Variants in ATP6V0A4 observed in about 807,000 individuals in gnomAD.
The protein encoded by ATP6V0A4 is ATPase H+ transporting V0 subunit a4, also known as V-type proton ATPase 116 kDa subunit a 4.
ATP6V0A4 carries 86 observed loss-of-function variants against 107.3 expected under a neutral mutation model. That is an observed-to-expected ratio of 0.80 (90% CI 0.67 to 0.96). The LOEUF (loss-of-function observed/expected upper bound fraction) is 0.96, where lower values mean the gene tolerates loss of function less well. Among genes scored for constraint, ATP6V0A4 ranks in the 40% least tolerant of loss-of-function variants. The probability of loss-of-function intolerance (pLI) is 0.00; values close to 1 mark genes in which losing one functional copy is unlikely to be tolerated. For synonymous variants in ATP6V0A4, 353 were observed against 381.4 expected (o/e 0.93, Z 0.87); for missense variants, 908 against 1,045.6 (o/e 0.87, Z 1.81).
intron 9 of ATP6V0A4, chr7:138,756,021 A>T (rs1806495208): frequency 1.5e-6 from 1 of 666,970 alleles, no homozygotes; most frequent in Non-Finnish European, 2.5e-6. Context: ...AAACCATAAA[A>T]CCTGTGAGTT....
chr7:138,785,553 A>G (rs1333909141), intron 2 of ATP6V0A4, among the ~76,000 whole-genome samples: 2 of 152,092 alleles, frequency 1.3e-5, no homozygotes, highest in African/African-American at 2.4e-5. Context: ...CTGGGATTAT[A>G]ATAGGCATGA....
chr7:138,708,139 C>G (rs781747980), intron 21 of ATP6V0A4, among the ~76,000 whole-genome samples: 1 of 151,884 alleles, frequency 6.6e-6, no homozygotes, highest in African/African-American at 2.4e-5. Context: ...GCAAGCTCCA[C>G]CTCCCGGGTT....
Position 138,733,231 on chromosome 7 carries a change from C to A in ATP6V0A4, c.1692-138G>T, listed in dbSNP as rs1485514838. 4 of 1,421,192 alleles carry A rather than the reference C, an allele frequency of 2.8e-6. No homozygotes were observed. The African/African-American group carries it at 5.8e-5, about 21-fold the overall frequency. 88.0% of individuals were successfully genotyped at this position (1,421,192 alleles called of 1,614,324 possible). ...ACTACTGGCAAACAACGGCACCCCC[C>A]ACCCCCCCAGCAAACAGCAATCCTG... On this transcript the variant is annotated intron_variant, in intron 16 of 21. Transcript: ENST00000310018.
At position 138,769,310 on chromosome 7, in the gene ATP6V0A4, TTC is replaced by T; in HGVS notation, c.118-61_118-60del. 9 of 1,546,024 alleles carry T rather than the reference TTC, an allele frequency of 5.8e-6. No individual in the cohort carries two copies. The East Asian group carries it at 9.1e-5, about 16-fold the overall frequency. The stretch of plus-strand genomic sequence containing the variant: ...TAGCAACAGCTGCCAATAGATTTCT[TTC>T]TTTTTTTTTTTTTTTTTTTGAGACT... On this transcript the variant is annotated intron_variant, in intron 3 of 21. Coordinates refer to ENST00000310018, the MANE Select transcript of ATP6V0A4 (RefSeq NM_020632.3).
intron 19 of ATP6V0A4, among the ~76,000 whole-genome samples, chr7:138,718,584 CGGAATGGGGAGGAATGGGGA>C (rs1321199640): frequency 3.4e-5 from 2 of 59,380 alleles, no homozygotes; most frequent in East Asian, 1.2e-3. Flanking sequence ...AGGCATGGGG[CGGAATGGGGAGGAATGGGGA>C]GGAATGGGGA....
At chr7:138,726,155 A>C (rs1804707002) in intron 18 of ATP6V0A4, among the ~76,000 whole-genome samples, 2 of 151,634 alleles carry the variant, frequency 1.3e-5, no homozygotes, top group South Asian at 4.2e-4. Flanking sequence ...ACGCCCGGCT[A>C]ATTTTTTGTA....
chr7:138,759,665 G>A (rs548053855), intron 8 of ATP6V0A4, 87 bp downstream of exon 8: 4 of 1,402,820 alleles, frequency 2.9e-6, no homozygotes, highest in East Asian at 4.6e-5. Context: ...TCAAACTAAA[G>A]ATCCCCCATG....
At chr7:138,786,620 T>C (rs1407566304) in intron 1 of ATP6V0A4, among the ~76,000 whole-genome samples, 1 of 152,002 alleles carries the variant, frequency 6.6e-6, no homozygotes, top group African/African-American at 2.4e-5. Context: ...CCCTGAAGTT[T>C]ATCATGGATG....
intron 2 of ATP6V0A4, among the ~76,000 whole-genome samples, chr7:138,784,875 C>T (rs769418269): frequency 2.0e-5 from 3 of 152,164 alleles, no homozygotes; most frequent in Non-Finnish European, 2.9e-5. Flanking sequence ...CACTTTCATG[C>T]CCTGAGGACT....
chr7:138,784,742 T>C (rs1215276490), intron 2 of ATP6V0A4, among the ~76,000 whole-genome samples: 1 of 152,186 alleles, frequency 6.6e-6, no homozygotes, highest in Admixed American at 6.6e-5. Context: ...CTCTATATTA[T>C]CCAAACAAAC....
At chr7:138,744,457 C>T (rs993164045) in intron 14 of ATP6V0A4, among the ~76,000 whole-genome samples, 3 of 152,016 alleles carry the variant, frequency 2.0e-5, no homozygotes, top group East Asian at 1.9e-4. Flanking sequence ...AGGCTGGTCT[C>T]GAACTCCTGA....
intron 15 of ATP6V0A4, among the ~76,000 whole-genome samples, chr7:138,736,234 C>T (rs141034491): frequency 4.9e-4 from 74 of 152,228 alleles, no homozygotes; most frequent in Admixed American, 1.2e-3. Context: ...GAGAGCAAGA[C>T]TCTGTCTCTA....
rs1805344474 is a variant in ATP6V0A4 at position 138,736,755 on chromosome 7, G to C, written c.1573-2501C>G. 2.0e-5 allele frequency among the ~76,000 whole-genome samples: 3 copies of C among 152,032 alleles called. No homozygotes were observed. The South Asian group carries it at 6.2e-4, about 32-fold the overall frequency. ...CCCAGCTAATTTTGTATTTTTAGTA[G>C]AGATGGGGTTTCACCATGTTGGCCA... On this transcript the variant is annotated intron_variant, in intron 15 of 21. Transcript: ENST00000310018.
rs114026641 is a variant in ATP6V0A4, at chr7:138,733,827, C to T, written c.1691+309G>A. 3.5e-3 allele frequency among the ~76,000 whole-genome samples: 534 copies of T among 152,220 alleles called. 1 individual carries two copies. The highest frequency in any genetic ancestry group is 0.012 in the African/African-American group (510 of 41,526). On this transcript the variant is annotated intron_variant, in intron 16 of 21. Coordinates refer to ENST00000310018, the MANE Select transcript of ATP6V0A4 (RefSeq NM_020632.3). ...TCCTGACCTCAGGTGATCCACCTGT[C>T]GGCCTTCCAAAGCGCTGGGATTACA...
chr7:138,709,478 C>A (rs1803624283), intron 21 of ATP6V0A4, 146 bp downstream of exon 21: 4 of 733,490 alleles, frequency 5.5e-6, no homozygotes, highest in Non-Finnish European at 9.9e-6. Context: ...AATATTACAC[C>A]AACAGATGAC....
At chr7:138,722,462 C>T (rs1378226122) in intron 18 of ATP6V0A4, among the ~76,000 whole-genome samples, 2 of 151,664 alleles carry the variant, frequency 1.3e-5, no homozygotes, top group African/African-American at 4.8e-5. Context: ...GTCAGGAGTC[C>T]AAGACTAGCG....
intron 21 of ATP6V0A4, among the ~76,000 whole-genome samples, chr7:138,709,240 T>C (rs913974597): frequency 1.4e-5 from 2 of 144,982 alleles, no homozygotes; most frequent in African/African-American, 5.1e-5. Flanking sequence ...AAGCCAAATA[T>C]TCCAGATTTT....
chr7:138,769,240 A>C lies in ATP6V0A4; in HGVS notation c.129T>G (p.Asn43Lys). The C allele has an allele frequency of 6.2e-7, 1 of 1,612,004 alleles. No homozygotes were observed. Among genetic ancestry groups the C allele is most frequent in the Non-Finnish European group, 8.5e-7 (1 of 1,179,910 alleles). ...GLVQFKDLNM[N>K]VNSFQRKFVN... ...CAAATTTCCTTTGAAAGCTGTTCACATTCATATTTAACTATGGGGGCGAAA... is the reference window on the plus strand; with the variant it reads ...CAAATTTCCTTTGAAAGCTGTTCACCTTCATATTTAACTATGGGGGCGAAA... The change falls in exon 4 of 22, where the codon AAT becomes AAG. Residue 43 changes from asparagine (N) to lysine (K), a missense_variant. Physicochemically the swap from Asn to Lys is moderately conservative, Grantham distance 94. Coordinates refer to ENST00000310018, the MANE Select transcript of ATP6V0A4 (RefSeq NM_020632.3).
intron 14 of ATP6V0A4, among the ~76,000 whole-genome samples, chr7:138,744,534 A>T (rs7783999): frequency 1.3e-5 from 2 of 150,560 alleles, no homozygotes; most frequent in Admixed American, 1.3e-4. Flanking sequence ...CACCGTGCCC[A>T]GCCTCTCATT....
Sources: allele counts gnomAD v4.1 joint callset (sites outside exome capture counted in the v4.1 genomes callset), GRCh38; gene constraint gnomAD v4.1.1; transcripts MANE v1.5; gene names NCBI Gene and HGNC (gene_info 2026-07-23, HGNC 2026-07-21).